Variants in CYB5R4 observed in about 807,000 individuals in gnomAD.
CYB5R4 encodes cytochrome b5 reductase 4.
In CYB5R4, 55 loss-of-function variants were observed where a neutral mutation model predicts 70.2. That is an observed-to-expected ratio of 0.78 (90% CI 0.63 to 0.98). The LOEUF (loss-of-function observed/expected upper bound fraction) is 0.98. Among genes scored for constraint, CYB5R4 ranks in the 50% least tolerant of loss-of-function variants. The probability of loss-of-function intolerance (pLI) is 0.00; values close to 1 mark genes in which losing one functional copy is unlikely to be tolerated. For synonymous variants in CYB5R4, 197 were observed against 199.5 expected (o/e 0.99, Z 0.11); for missense variants, 562 against 612.6 (o/e 0.92, Z 0.87).
rs770336485 is a variant in CYB5R4 at position 83,862,169 on chromosome 6, C to T, written c.76-2006C>T. On this transcript the variant is annotated intron_variant, in intron 1 of 15. Transcript: ENST00000369681. The stretch of plus-strand genomic sequence containing the variant: ...CAATGAGATAATGTTTCTCTTAGCA[C>T]AGCCTTGGTAAGCACCCAGTAAATG... Among the ~76,000 whole-genome samples the T allele has an allele frequency of 4.2e-4, 64 of 152,230 alleles. 2 individuals are homozygous for T. The highest frequency in any genetic ancestry group is 4.1e-4 in the Non-Finnish European group (28 of 68,038).
At chr6:83,883,804 CATTGT>C (rs1031005084) in intron 2 of CYB5R4, among the ~76,000 whole-genome samples, 1 of 151,840 alleles carries the variant, frequency 6.6e-6, no homozygotes, top group African/African-American at 2.4e-5. Flanking sequence ...AAAGTTATAA[CATTGT>C]ATTGTGGAGT....
Position 83,859,705 on chromosome 6 carries a change from C to A in CYB5R4, c.-78C>A. On this transcript the variant is annotated 5_prime_UTR_variant, in exon 1 of 16. Coordinates refer to ENST00000369681, the MANE Select transcript of CYB5R4 (RefSeq NM_016230.4). ...GTGGGTCGGGGGCTTGGCCTCTGCC[C>A]GGCCACAGAGCCGGAGCTGGAGGTG... is the stretch of plus-strand genomic sequence containing the variant. 1.3e-6 allele frequency: 2 copies of A among 1,522,260 alleles called. No homozygotes were observed. Among genetic ancestry groups the A allele is most frequent in the East Asian group, 2.3e-5 (1 of 43,322 alleles). The allele number at this position is 1,522,260 out of a possible 1,614,324, so 94.3% of individuals were successfully genotyped here. A position where few individuals can be genotyped will look rare whatever the true frequency, so the allele number is the denominator to read the frequency against.
chr6:83,889,039 A>G (rs2099460701), intron 2 of CYB5R4, among the ~76,000 whole-genome samples: 1 of 152,228 alleles, frequency 6.6e-6, no homozygotes, highest in Non-Finnish European at 1.5e-5. Context: ...CAATTCTAGG[A>G]AGGCTGAGAG....
rs1408014913 is a variant in CYB5R4 at position 83,965,902 on chromosome 6, A to C, written c.*6024A>C. 1 of 152,160 alleles carries C rather than the reference A, an allele frequency of 6.6e-6. No individual in the cohort carries two copies. The highest frequency in any genetic ancestry group is 1.5e-5 in the Non-Finnish European group (1 of 68,156). 9.4% of individuals were successfully genotyped at this position (152,160 alleles called of 1,614,324 possible). ...TCAGGGGGTTCCGCTTTTGCATCTTACTCATTTCTCTTGCTGCCACCCTGT... is the reference window on the plus strand; with the variant it reads ...TCAGGGGGTTCCGCTTTTGCATCTTCCTCATTTCTCTTGCTGCCACCCTGT... On this transcript the variant is annotated 3_prime_UTR_variant, in exon 16 of 16. Coordinates refer to ENST00000369681, the MANE Select transcript of CYB5R4 (RefSeq NM_016230.4).
At chr6:83,943,951 G>T (rs544979975) in intron 14 of CYB5R4, among the ~76,000 whole-genome samples, 7 of 151,176 alleles carry the variant, frequency 4.6e-5, no homozygotes, top group South Asian at 2.1e-4. Flanking sequence ...AAGAAATATG[G>T]GACTACATTT....
rs60763361 is a variant in CYB5R4 at position 83,941,591 on chromosome 6, G to C, written c.1346+990G>C. 4.2e-3 allele frequency among the ~76,000 whole-genome samples: 635 copies of C among 152,242 alleles called. 6 individuals carry two copies. The highest frequency in any genetic ancestry group is 0.015 in the African/African-American group (607 of 41,528). ...AATATTTTCTGAATGTCCATAATAA[G>C]AAAATGCTGTGGTCTTTTCCCATTT... On this transcript the variant is annotated intron_variant, in intron 14 of 15. Coordinates refer to ENST00000369681, the MANE Select transcript of CYB5R4 (RefSeq NM_016230.4).
intron 2 of CYB5R4, among the ~76,000 whole-genome samples, chr6:83,875,029 G>T (rs2099458304): frequency 6.6e-6 from 1 of 151,904 alleles, no homozygotes; most frequent in Non-Finnish European, 1.5e-5. Flanking sequence ...CACCATGTTG[G>T]CCAGGCTGGT....
At position 83,959,831 on chromosome 6, in the gene CYB5R4, C is replaced by T. The variant is rs1480975238; in HGVS notation, c.1519C>T (p.His507Tyr). 2.5e-6 allele frequency: 4 copies of T among 1,599,922 alleles called. No individual in the cohort carries two copies. The African/African-American group carries it at 4.0e-5, about 16-fold the overall frequency. Residue 507 changes from histidine to tyrosine, a missense_variant, in exon 16 of 16, where the codon CAT (histidine) becomes TAT (tyrosine). Coordinates refer to ENST00000369681, the MANE Select transcript of CYB5R4 (RefSeq NM_016230.4). Reference sequence around the variant, plus strand: ...TTTTTATTTGTTTTTCAGGTTGCTGCATGATCTCAACTTTTCCAAAAATGA... The same window carrying T: ...TTTTTATTTGTTTTTCAGGTTGCTGTATGATCTCAACTTTTCCAAAAATGA... ...PFTEQGVRLLHDLNFSKNEIH... is the reference protein window; with the variant it reads ...PFTEQGVRLLYDLNFSKNEIH...
At chr6:83,947,347 T>C (rs1167026161) in intron 14 of CYB5R4, among the ~76,000 whole-genome samples, 1 of 152,160 alleles carries the variant, frequency 6.6e-6, no homozygotes. Flanking sequence ...GAAAAGTCAC[T>C]AGCCATATGC....
chr6:83,883,701 C>G (rs2099459810), intron 2 of CYB5R4, among the ~76,000 whole-genome samples: 1 of 152,080 alleles, frequency 6.6e-6, no homozygotes. Context: ...GATAGAAGTT[C>G]AGATATTTAG....
At chr6:83,869,570 T>A (rs1372616419) in intron 2 of CYB5R4, among the ~76,000 whole-genome samples, 1 of 152,212 alleles carries the variant, frequency 6.6e-6, no homozygotes, top group Non-Finnish European at 1.5e-5. Flanking sequence ...GGCTCACGCC[T>A]GTGATCCCAG....
chr6:83,891,965 G>C (rs550002505), intron 2 of CYB5R4, among the ~76,000 whole-genome samples: 1 of 152,234 alleles, frequency 6.6e-6, no homozygotes, highest in Admixed American at 6.5e-5. Flanking sequence ...TGATTGTAGA[G>C]AAAGTTTGGA....
intron 2 of CYB5R4, among the ~76,000 whole-genome samples, chr6:83,887,723 G>A (rs1289667072): frequency 6.9e-6 from 1 of 144,106 alleles, no homozygotes; most frequent in African/African-American, 2.5e-5. Flanking sequence ...GTCTGTTCCT[G>A]GTTAGAGTTT....
intron 3 of CYB5R4, among the ~76,000 whole-genome samples, chr6:83,894,729 A>G (rs1206067552): frequency 6.6e-6 from 1 of 152,200 alleles, no homozygotes; most frequent in Non-Finnish European, 1.5e-5. Context: ...ACAATAAAGT[A>G]AGCTAAAGAA....
chr6:83,940,441 C>A, intron 13 of CYB5R4, 74 bp from the exon 14 acceptor site: 2 of 1,384,756 alleles, frequency 1.4e-6, no homozygotes, highest in Non-Finnish European at 1.9e-6. Context: ...CACTGGTTCA[C>A]TTTAGACTTT....
intron 7 of CYB5R4, 130 bp from the exon 8 acceptor site, chr6:83,920,951 CA>C: frequency 1.6e-6 from 1 of 610,436 alleles, no homozygotes; most frequent in Admixed American, 4.7e-5. Context: ...ACAGAAGTCA[CA>C]TTTGTTTAGC....
intron 14 of CYB5R4, among the ~76,000 whole-genome samples, chr6:83,950,435 T>G (rs1357450994): frequency 6.6e-6 from 1 of 152,190 alleles, no homozygotes; most frequent in East Asian, 1.9e-4. Context: ...TGAGGCTCAG[T>G]TCATTCAGTA....
intron 3 of CYB5R4, among the ~76,000 whole-genome samples, chr6:83,902,935 T>C (rs140669297): frequency 2.0e-5 from 3 of 152,254 alleles, no homozygotes; most frequent in African/African-American, 7.2e-5. Context: ...GTGGAGTCTT[T>C]TGGTTTTTCT....
At chr6:83,868,260 A>G (rs1021413195) in intron 2 of CYB5R4, among the ~76,000 whole-genome samples, 1 of 152,174 alleles carries the variant, frequency 6.6e-6, no homozygotes, top group Non-Finnish European at 1.5e-5. Context: ...ACTGATCACA[A>G]TGTGGGAGAC....
Sources: gnomAD v4.1 joint callset for allele counts (sites outside exome capture counted in the v4.1 genomes callset) on GRCh38, gnomAD v4.1.1 for gene constraint, MANE v1.5 for transcripts, NCBI Gene and HGNC (gene_info 2026-07-23, HGNC 2026-07-21) for gene names.